ADAMTSL4: variants seen among roughly 807,000 people sequenced by gnomAD.
ADAMTSL4 encodes the protein ADAMTS like 4.
In ADAMTSL4, 97 loss-of-function variants were observed where a neutral mutation model predicts 122.8. The observed-to-expected ratio is 0.79, with a 90% CI of 0.67 to 0.93. The LOEUF is 0.93. Ranked by LOEUF, ADAMTSL4 falls within the 40% of genes least tolerant of loss-of-function variation. The probability of loss-of-function intolerance (pLI) is 0.00; values close to 1 mark genes in which losing one functional copy is unlikely to be tolerated. For missense variants in ADAMTSL4, 1,408 were observed against 1,453.5 expected, an observed-to-expected ratio of 0.97 and a Z score of 0.51; for synonymous variants, 592 against 568.0, an observed-to-expected ratio of 1.04 and a Z score of -0.60.
At chr1:150,550,055 A>T in intron 2 of ADAMTSL4, 160 bp downstream of exon 2, 1 of 336,536 alleles carries the variant, frequency 3.0e-6, no homozygotes, top group South Asian at 2.3e-5. Context: ...CCAGAAACAC[A>T]GGGTCCAACC....
Position 150,554,281 on chromosome 1 carries a change from C to A in ADAMTSL4, c.1132-84C>A. 1 of 1,479,172 alleles carries A rather than the reference C, an allele frequency of 6.8e-7. No homozygotes were observed. The highest frequency in any genetic ancestry group is 9.4e-7 in the Non-Finnish European group (1 of 1,062,246). The allele number at this position is 1,479,172 out of a possible 1,614,324, so 91.6% of individuals were successfully genotyped here. A position where few individuals can be genotyped will look rare whatever the true frequency, so the allele number is the denominator to read the frequency against. The stretch of plus-strand genomic sequence containing the variant: ...CTTGGAGCTCTTCCGCTGACCTGAG[C>A]CTCCCACCTGCTCCCCAGGTTCAGC... On this transcript the variant is annotated intron_variant, in intron 6 of 18. Transcript: ENST00000271643. The surrounding 1 kb of genome is among the most constrained non-coding windows in gnomAD (Gnocchi z 4.0).
chr1:150,558,516 G>T lies in ADAMTSL4; in HGVS notation c.2426G>T (p.Arg809Leu). 1 of 1,613,812 alleles carries T rather than the reference G, an allele frequency of 6.2e-7. No homozygotes were observed. Among genetic ancestry groups the T allele is most frequent in the African/African-American group, 1.3e-5 (1 of 75,046 alleles). The change falls in exon 15 of 19, where the codon CGC (arginine) becomes CTC (leucine). Residue 809 changes from arginine to leucine, a missense_variant. Transcript: ENST00000271643. ...CGGGGCCAGAGAAGCCGGCAGGTTC[G>T]CTGTGTTGGGAACAATGGTGATGAA... is the stretch of plus-strand genomic sequence containing the variant. ...CGRGQRSRQVRCVGNNGDEVS... is the reference protein window; with the variant it reads ...CGRGQRSRQVLCVGNNGDEVS...
Position 150,555,831 on chromosome 1 carries a change from A to G in ADAMTSL4, c.1371+266A>G, listed in dbSNP as rs1672035943. 4 of 612,800 alleles carry G rather than the reference A, an allele frequency of 6.5e-6. No homozygotes were observed. The East Asian group carries it at 1.1e-4, about 17-fold the overall frequency. The allele number at this position is 612,800 out of a possible 1,614,324, so 38.0% of individuals were successfully genotyped here. ...AACACATGCACACACACGTATGCAGACACATGCACACACATGTAGACACAC... is the reference window on the plus strand; with the variant it reads ...AACACATGCACACACACGTATGCAGGCACATGCACACACATGTAGACACAC... On this transcript the variant is annotated intron_variant, in intron 8 of 18. Coordinates refer to ENST00000271643, the MANE Select transcript of ADAMTSL4 (RefSeq NM_019032.6).
rs1318980556 is a variant in ADAMTSL4, at chr1:150,556,214, G to A, written c.1424G>A (p.Gly475Glu). ...LGSGRRPDGC[G>E]VCGGDDSTCR... ...TCTGGCAGGCGTCCTGATGGCTGTG[G>A]AGTCTGTGGGGGTGATGATTCTACC... Residue 475 changes from glycine (G) to glutamate (E), a missense_variant, in exon 9 of 19, where the codon GGA becomes GAA. Gly to Glu is a moderately conservative substitution (Grantham distance 98, BLOSUM62 -2). Coordinates refer to ENST00000271643, the MANE Select transcript of ADAMTSL4 (RefSeq NM_019032.6). This position sits in a 1 kb window ranked among gnomAD's most constrained non-coding sequence, Gnocchi z 4.1. 2 of 1,614,200 alleles carry A rather than the reference G, an allele frequency of 1.2e-6. No individual in the cohort carries two copies. Among genetic ancestry groups the A allele is most frequent in the Non-Finnish European group, 1.7e-6 (2 of 1,180,050 alleles).
At chr1:150,557,863 T>C (rs587599589) in intron 13 of ADAMTSL4, 82 bp from the exon 14 acceptor site, 2 of 1,518,340 alleles carry the variant, frequency 1.3e-6, no homozygotes, top group African/African-American at 1.4e-5. Context: ...ACGTCCAGTG[T>C]GTCTTCCATC....
At position 150,556,423 on chromosome 1, in the gene ADAMTSL4, C is replaced by T; in HGVS notation, c.1576+57C>T. On this transcript the variant is annotated intron_variant, in intron 9 of 18. Transcript: ENST00000271643. The surrounding 1 kb of genome is among the most constrained non-coding windows in gnomAD (Gnocchi z 4.1). Reference sequence around the variant, plus strand: ...CGTCTCTGTTCGGCCCTCCATACCCCTACTCAGAGCAGTGAGCAAGCCAAA... The same window carrying T: ...CGTCTCTGTTCGGCCCTCCATACCCTTACTCAGAGCAGTGAGCAAGCCAAA... 6.2e-7 allele frequency: 1 copy of T among 1,604,628 alleles called. No individual in the cohort carries two copies. The highest frequency in any genetic ancestry group is 8.5e-7 in the Non-Finnish European group (1 of 1,174,248).
chr1:150,551,765 TG>T (rs1347302846), intron 2 of ADAMTSL4: 1 of 156,208 alleles, frequency 6.4e-6, no homozygotes, highest in Admixed American at 6.3e-5. Context: ...CTGGGTGTGG[TG>T]GTGCACGCAT....
Position 150,555,519 on chromosome 1 carries a change from T to C in ADAMTSL4, c.1325T>C (p.Leu442Pro), listed in dbSNP as rs761011939. 5 of 1,614,052 alleles carry C rather than the reference T, an allele frequency of 3.1e-6. No homozygotes were observed. In the African/African-American group the frequency reaches 6.7e-5, roughly 22 times the overall value. The change falls in exon 8 of 19, where the codon CTG becomes CCG. Residue 442 changes from leucine (L) to proline (P), a missense_variant. By Grantham distance (98) the Leu-to-Pro change is moderately conservative. Transcript: ENST00000271643. ...ACTGAAAAGGTCCAGGATGGGACCC[T>C]GTGTCAGCCTGGAGCCCCTGACATC... ...RHTEKVQDGT[L>P]CQPGAPDICV...
rs372955029 is a variant in ADAMTSL4, at chr1:150,552,333, G to A, written c.20+25G>A. On this transcript the variant is annotated intron_variant, in intron 3 of 18. Coordinates refer to ENST00000271643, the MANE Select transcript of ADAMTSL4 (RefSeq NM_019032.6). The surrounding 1 kb of genome is among the most constrained non-coding windows in gnomAD (Gnocchi z 4.0). ...GGTGAGAGAAGGGGCCACGGGTTGG[G>A]GGGGAGGAAAAGGGGAGGTGCTGGG... The A allele has an allele frequency of 1.1e-4, 170 of 1,554,944 alleles. 1 individual carries two copies. In the East Asian group the frequency reaches 2.3e-3, roughly 21 times the overall value.
chr1:150,559,818 A>C lies in ADAMTSL4; in HGVS notation c.3001A>C (p.Asn1001His). The C allele has an allele frequency of 8.7e-6, 14 of 1,613,974 alleles. No individual in the cohort carries two copies. Among genetic ancestry groups the C allele is most frequent in the Non-Finnish European group, 1.2e-5 (14 of 1,179,996 alleles). Residue 1001 changes from asparagine (N) to histidine (H), a missense_variant, in exon 18 of 19, where the codon AAC becomes CAC. Asn to His is a moderately conservative substitution (Grantham distance 68). Coordinates refer to ENST00000271643, the MANE Select transcript of ADAMTSL4 (RefSeq NM_019032.6). This position sits in a 1 kb window ranked among gnomAD's most constrained non-coding sequence, Gnocchi z 4.1. ...ACGGGAGGTCCAGTGCCTGAGCACC[A>C]ACCAGACCCTCAGCACCCGATGCCC... is the stretch of plus-strand genomic sequence containing the variant. ...QTREVQCLSTNQTLSTRCPPQ... is the reference protein window; with the variant it reads ...QTREVQCLSTHQTLSTRCPPQ...
intron 2 of ADAMTSL4, chr1:150,550,512 G>C (rs1671294200): frequency 2.7e-6 from 1 of 369,110 alleles, no homozygotes. Context: ...TGCGAGAAGA[G>C]ATCTCGGTGG....
In ADAMTSL4 at chr1:150,556,613, A is replaced by AC. The variant is rs779238561; in HGVS notation, c.1577-5dup. On this transcript the variant is annotated splice_region_variant and splice_polypyrimidine_tract_variant and intron_variant, in intron 9 of 18. Transcript: ENST00000271643. This position sits in a 1 kb window ranked among gnomAD's most constrained non-coding sequence, Gnocchi z 4.1. ...GGAATTTCCCGATCTCTCACCTCTG[A>AC]CCCGCAGCACTTCGTGGCCCTGGGG... 2 of 1,613,810 alleles carry AC rather than the reference A, an allele frequency of 1.2e-6. No individual in the cohort carries two copies. Among genetic ancestry groups the AC allele is most frequent in the East Asian group, 4.5e-5 (2 of 44,854 alleles).
chr1:150,555,576 ACAGT>A lies in ADAMTSL4; in HGVS notation c.1371+12_1371+15del, dbSNP rs768839404. ...GCTGGACGCTGTCTGGTGAGGGAAGACAGTGTGTGTGTGCACACACACATGCATA... is the reference window on the plus strand; with the variant it reads ...GCTGGACGCTGTCTGGTGAGGGAAGAGTGTGTGTGCACACACACATGCATA... On this transcript the variant is annotated intron_variant, in intron 8 of 18. Transcript: ENST00000271643. 6 of 1,612,556 alleles carry A rather than the reference ACAGT, an allele frequency of 3.7e-6. No individual in the cohort carries two copies. The highest frequency in any genetic ancestry group is 5.1e-6 in the Non-Finnish European group (6 of 1,179,834).
chr1:150,559,126 T>A lies in ADAMTSL4; in HGVS notation c.2724T>A (p.Cys908Ter). 1 of 1,612,502 alleles carries A rather than the reference T, an allele frequency of 6.2e-7. No homozygotes were observed. Among genetic ancestry groups the A allele is most frequent in the Non-Finnish European group, 8.5e-7 (1 of 1,179,828 alleles). Residue 908 changes from cysteine (C) to a stop codon, truncating the protein, a stop_gained, in exon 16 of 19, where the codon TGT becomes TGA. Transcript: ENST00000271643. LOFTEE classifies it high-confidence loss of function. This position sits in a 1 kb window ranked among gnomAD's most constrained non-coding sequence, Gnocchi z 4.1. Reference sequence around the variant, plus strand: ...TGCGCGCCTGCAGCCTGGGGCCCTGTGAGAGAACTTGGCGCTGGTACACAG... The same window carrying A: ...TGCGCGCCTGCAGCCTGGGGCCCTGAGAGAGAACTTGGCGCTGGTACACAG... Reference protein sequence around the residue: ...PDMRACSLGPCERTWRWYTGP... With the variant: ...PDMRACSLGP
Position 150,556,239 on chromosome 1 carries a change from C to T in ADAMTSL4, c.1449C>T (p.Thr483=). The T allele has an allele frequency of 6.2e-7, 1 of 1,614,198 alleles. No homozygotes were observed. Among genetic ancestry groups the T allele is most frequent in the Non-Finnish European group, 8.5e-7 (1 of 1,180,040 alleles). The change falls in exon 9 of 19, where the codon ACC becomes ACT. Residue 483 remains threonine, a synonymous_variant. Coordinates refer to ENST00000271643, the MANE Select transcript of ADAMTSL4 (RefSeq NM_019032.6). This position sits in a 1 kb window ranked among gnomAD's most constrained non-coding sequence, Gnocchi z 4.1. ...GCGVCGGDDS[T]CRLVSGNLTD... ...GAGTCTGTGGGGGTGATGATTCTAC[C>T]TGTCGCCTTGTTTCGGGGAACCTCA... is the stretch of plus-strand genomic sequence containing the variant.
rs1672243210 is a variant in ADAMTSL4 at position 150,557,258 on chromosome 1, C to T, written c.1970C>T (p.Pro657Leu). The T allele has an allele frequency of 6.2e-7, 1 of 1,611,778 alleles. No individual in the cohort carries two copies. The change falls in exon 12 of 19, where the codon CCC becomes CTC. Residue 657 changes from proline to leucine, a missense_variant. Coordinates refer to ENST00000271643, the MANE Select transcript of ADAMTSL4 (RefSeq NM_019032.6). Reference protein sequence around the residue: ...RIPQMPAPPHPRTPLGSPAAY... With the variant: ...RIPQMPAPPHLRTPLGSPAAY... ...CCCCAGATGCCCGCCCCGCCCCATC[C>T]CAGGACACCCCTGGGGTCTCCAGCT...
At chr1:150,555,945 A>T (rs1672061690) in intron 8 of ADAMTSL4, 1 of 621,756 alleles carries the variant, frequency 1.6e-6, no homozygotes, top group African/African-American at 1.8e-5. Context: ...ACTGAGGGAG[A>T]ATTCTCACCT....
At position 150,559,056 on chromosome 1, in the gene ADAMTSL4, C is replaced by G. The variant is rs776469155; in HGVS notation, c.2654C>G (p.Ala885Gly). Reference protein sequence around the residue: ...ALGPGQGEAGAGTGQSCPTGS... With the variant: ...ALGPGQGEAGGGTGQSCPTGS... ...GGGCCAGGCCAGGGGGAAGCAGGAG[C>G]AGGAACTGGGCAGAGCTGTCCAACA... The change falls in exon 16 of 19, where the codon GCA becomes GGA. Residue 885 changes from alanine (A) to glycine (G), a missense_variant. Coordinates refer to ENST00000271643, the MANE Select transcript of ADAMTSL4 (RefSeq NM_019032.6). The surrounding 1 kb of genome is among the most constrained non-coding windows in gnomAD (Gnocchi z 4.1). 3.1e-6 allele frequency: 5 copies of G among 1,612,470 alleles called. No homozygotes were observed. The highest frequency in any genetic ancestry group is 2.2e-5 in the East Asian group (1 of 44,882).
In ADAMTSL4 at chr1:150,557,553, C is replaced by T. The variant is rs587737331; in HGVS notation, c.2107C>T (p.Arg703Cys). ...SRESGEELDE[R>C]SCAAGARPPA... ...TGAGTCGGGAGAGGAACTGGATGAA[C>T]GCAGCTGTGCCGCGGGTGCCAGGCC... Residue 703 changes from arginine to cysteine, a missense_variant, in exon 13 of 19, where the codon CGC becomes TGC. Arg to Cys is a radical substitution (Grantham distance 180). Coordinates refer to ENST00000271643, the MANE Select transcript of ADAMTSL4 (RefSeq NM_019032.6). 4.0e-5 allele frequency: 65 copies of T among 1,609,810 alleles called. No individual in the cohort carries two copies. The highest frequency in any genetic ancestry group is 6.7e-5 in the East Asian group (3 of 44,686).
Sources: allele counts gnomAD v4.1 joint callset, GRCh38; gene constraint gnomAD v4.1.1; non-coding constraint Gnocchi (gnomAD v3.1); transcripts MANE v1.5; gene names NCBI Gene and HGNC (gene_info 2026-07-23, HGNC 2026-07-21).